The following LDB3 variants were observed in gnomAD, a reference collection of about 807,000 sequenced individuals.
The protein encoded by LDB3 is LIM domain-binding protein 3.
LDB3 carries 49 observed loss-of-function variants against 69.0 expected under a neutral mutation model. The observed-to-expected ratio is 0.71, with a 90% CI of 0.56 to 0.90. The LOEUF (loss-of-function observed/expected upper bound fraction) is 0.90, where lower values mean the gene tolerates loss of function less well. Ranked by LOEUF, LDB3 falls within the 40% of genes least tolerant of loss-of-function variation. The probability of loss-of-function intolerance (pLI) is 0.00; values close to 1 mark genes in which losing one functional copy is unlikely to be tolerated. For missense variants in LDB3, 928 were observed against 974.1 expected, an observed-to-expected ratio of 0.95 and a Z score of 0.63; for synonymous variants, 387 against 396.2, an observed-to-expected ratio of 0.98 and a Z score of 0.28.
chr10:86,716,290 G>A, intron 9 of LDB3, 37 bp from the exon 10 acceptor site: 7 of 1,608,984 alleles, frequency 4.4e-6, no homozygotes, highest in Non-Finnish European at 5.9e-6. Context: ...ATGAATTCCT[G>A]ACACACCTTT....
intron 2 of LDB3, among the ~76,000 whole-genome samples, chr10:86,672,833 C>T (rs572101176): frequency 8.1e-4 from 124 of 152,356 alleles, no homozygotes; most frequent in South Asian, 3.1e-3. Context: ...GCCAGGACAC[C>T]GTGCAAGGGC....
At chr10:86,728,279 G>A (rs1847330655) in intron 13 of LDB3, among the ~76,000 whole-genome samples, 1 of 152,232 alleles carries the variant, frequency 6.6e-6, no homozygotes, top group South Asian at 2.1e-4. Flanking sequence ...AGGCTGATGA[G>A]AGGTCTGTGT....
intron 6 of LDB3, among the ~76,000 whole-genome samples, chr10:86,692,327 C>T (rs1415701897): frequency 6.6e-5 from 10 of 152,238 alleles, no homozygotes; most frequent in Non-Finnish European, 1.5e-4. Flanking sequence ...GATGATTGCC[C>T]AGGGCTGGGA....
intron 6 of LDB3, 65 bp downstream of exon 6, chr10:86,692,130 G>C: frequency 6.3e-7 from 1 of 1,576,486 alleles, no homozygotes; most frequent in Non-Finnish European, 8.7e-7. Flanking sequence ...AGGGACCTGG[G>C]CCCAGCACTG....
intron 7 of LDB3, among the ~76,000 whole-genome samples, chr10:86,702,577 G>A (rs1354456193): frequency 4.6e-5 from 7 of 152,154 alleles, no homozygotes. Flanking sequence ...GGTTTGATTT[G>A]GTTTTTGCTT....
chr10:86,669,759 G>A (rs187970980), intron 2 of LDB3, among the ~76,000 whole-genome samples: 22 of 152,360 alleles, frequency 1.4e-4, no homozygotes, highest in Admixed American at 9.8e-4. Context: ...GCCCCTGACC[G>A]TGCTGTTCCG....
chr10:86,713,225 G>A (rs777987735), intron 9 of LDB3, among the ~76,000 whole-genome samples: 5 of 152,094 alleles, frequency 3.3e-5, no homozygotes, highest in Admixed American at 6.5e-5. Flanking sequence ...ATTGGACACC[G>A]CAGGATTAGG....
At chr10:86,682,064 G>A (rs950389347) in intron 5 of LDB3, among the ~76,000 whole-genome samples, 15 of 152,218 alleles carry the variant, frequency 9.9e-5, no homozygotes, top group East Asian at 7.7e-4. Flanking sequence ...GTCACAGTCC[G>A]TTTGTCCAGC....
At chr10:86,693,786 G>A (rs1022596244) in intron 7 of LDB3, among the ~76,000 whole-genome samples, 4 of 152,186 alleles carry the variant, frequency 2.6e-5, no homozygotes, top group African/African-American at 9.7e-5. Flanking sequence ...GCTGTGCTCC[G>A]CTGTCCCTGC....
upstream of LDB3, among the ~76,000 whole-genome samples, chr10:86,667,452 C>T (rs34346910): frequency 0.099 from 15,125 of 152,234 alleles, 1,010 homozygotes; most frequent in Non-Finnish European, 0.15. Flanking sequence ...GCCCAAAGAC[C>T]GCACTGGCAG....
intron 7 of LDB3, among the ~76,000 whole-genome samples, chr10:86,704,877 C>T (rs1056588535): frequency 3.3e-5 from 5 of 152,148 alleles, no homozygotes; most frequent in East Asian, 1.9e-4. Flanking sequence ...TCACTGTGCC[C>T]GGCCTAATTT....
intron 5 of LDB3, among the ~76,000 whole-genome samples, chr10:86,683,564 C>G (rs1845280367): frequency 6.6e-6 from 1 of 152,218 alleles, no homozygotes; most frequent in Non-Finnish European, 1.5e-5. Flanking sequence ...GCTGCCCAGA[C>G]CCTGATGAAT....
chr10:86,684,135 C>T lies in LDB3; in HGVS notation c.689+2332C>T, dbSNP rs1440598018. On this transcript the variant is annotated intron_variant, in intron 5 of 13. Transcript: ENST00000361373. ...GAAACAGATGTGGTGCAAGGGCAGA[C>T]GGGCATAGGCATCCCAGCAGCCCCC... is the stretch of plus-strand genomic sequence containing the variant. Among the ~76,000 whole-genome samples the T allele has an allele frequency of 5.3e-5, 8 of 152,368 alleles. No individual in the cohort carries two copies. The South Asian group carries it at 6.2e-4, about 12-fold the overall frequency.
intron 5 of LDB3, among the ~76,000 whole-genome samples, chr10:86,691,332 C>T (rs1374253138): frequency 6.6e-6 from 1 of 152,216 alleles, no homozygotes; most frequent in Non-Finnish European, 1.5e-5. Context: ...ACAGGCCATG[C>T]CAGGGCTGTG....
At chr10:86,685,788 G>A in intron 5 of LDB3, 1 of 1,450,530 alleles carries the variant, frequency 6.9e-7, no homozygotes. Flanking sequence ...GAGTGTGCCT[G>A]CTGGCATGTG....
chr10:86,718,942 G>A (rs185806032), intron 12 of LDB3, 95 bp downstream of exon 12: 17 of 1,510,268 alleles, frequency 1.1e-5, no homozygotes, highest in South Asian at 4.7e-5. Flanking sequence ...ATTCACATCC[G>A]ACCACCCAGA....
At chr10:86,712,614 G>A (rs947953371) in intron 9 of LDB3, among the ~76,000 whole-genome samples, 1 of 152,106 alleles carries the variant, frequency 6.6e-6, no homozygotes, top group Non-Finnish European at 1.5e-5. Flanking sequence ...GGATTGCAGC[G>A]AGTAATAAGG....
Position 86,699,183 on chromosome 10 carries a change from T to A in LDB3, c.896+6612T>A. ...GTTAGACAGGGGAATGGTGAACACA[T>A]TCCCTAACCCCTTTCATTCTCCCTC... On this transcript the variant is annotated intron_variant, in intron 7 of 13. Coordinates refer to ENST00000361373, the MANE Select transcript of LDB3 (RefSeq NM_007078.3). The surrounding 1 kb of genome is among the most constrained non-coding windows in gnomAD (Gnocchi z 4.9). The A allele has an allele frequency of 1.5e-6, 2 of 1,377,442 alleles. No individual in the cohort carries two copies. Among genetic ancestry groups the A allele is most frequent in the Non-Finnish European group, 2.0e-6 (2 of 987,628 alleles). 85.3% of individuals were successfully genotyped at this position (1,377,442 alleles called of 1,614,324 possible).
chr10:86,727,168 A>G (rs1265565940), intron 13 of LDB3, among the ~76,000 whole-genome samples: 1 of 151,926 alleles, frequency 6.6e-6, no homozygotes, highest in African/African-American at 2.4e-5. Context: ...CTACAGGCAC[A>G]TGCCACCATG....
Sources: allele counts gnomAD v4.1 joint callset (sites outside exome capture counted in the v4.1 genomes callset), GRCh38; gene constraint gnomAD v4.1.1; non-coding constraint Gnocchi (gnomAD v3.1); transcripts MANE v1.5; gene names NCBI Gene and HGNC (gene_info 2026-07-23, HGNC 2026-07-21).